METTL15: variants seen among roughly 807,000 people sequenced by gnomAD.
METTL15 encodes the protein 12S rRNA N(4)-cytidine methyltransferase METTL15.
In METTL15, 34 loss-of-function variants were observed where a neutral mutation model predicts 38.3. The ratio of observed to expected loss-of-function variants is 0.89; its 90% CI spans 0.68 to 1.18. The LOEUF is 1.18. Among genes scored for constraint, METTL15 ranks in the 50% most tolerant of loss-of-function variants. The pLI, the probability that METTL15 is intolerant of heterozygous loss-of-function variation, is 0.00. For missense variants in METTL15, 438 were observed against 498.4 expected (o/e 0.88, Z 1.15); for synonymous variants, 162 against 170.9 (o/e 0.95, Z 0.41).
At chr11:28,151,917 C>T (rs1850103108) in intron 3 of METTL15, among the ~76,000 whole-genome samples, 1 of 151,856 alleles carries the variant, frequency 6.6e-6, no homozygotes, top group African/African-American at 2.4e-5. Flanking sequence ...ATTTTTATAC[C>T]CACTGTTATT....
intron 6 of METTL15, among the ~76,000 whole-genome samples, chr11:28,452,449 A>G (rs1851131185): frequency 6.6e-6 from 1 of 152,248 alleles, no homozygotes; most frequent in South Asian, 2.1e-4. Context: ...CTTAATTTAT[A>G]TACCTAAAGT....
At chr11:28,246,094 A>G (rs1854498095) in intron 4 of METTL15, among the ~76,000 whole-genome samples, 4 of 152,158 alleles carry the variant, frequency 2.6e-5, no homozygotes, top group Admixed American at 1.3e-4. Context: ...CAAATATACA[A>G]CTATATAGAA....
chr11:28,371,949 C>A (rs887561026), intron 5 of METTL15, among the ~76,000 whole-genome samples: 31 of 152,118 alleles, frequency 2.0e-4, no homozygotes, highest in African/African-American at 7.5e-4. Flanking sequence ...GATAATTGAA[C>A]TTCCTCTTTT....
At chr11:28,441,436 T>A (rs1160539231) in intron 6 of METTL15, among the ~76,000 whole-genome samples, 1 of 152,204 alleles carries the variant, frequency 6.6e-6, no homozygotes, top group Non-Finnish European at 1.5e-5. Flanking sequence ...TTGAAGCCAC[T>A]CTGGTACTTC....
intron 3 of METTL15, among the ~76,000 whole-genome samples, chr11:28,146,865 G>A (rs543195175): frequency 7.9e-5 from 12 of 151,772 alleles, no homozygotes; most frequent in Admixed American, 7.2e-4. Context: ...TAAAAATGAC[G>A]TTTTTAAAAG....
chr11:28,175,509 T>C (rs1851039396), intron 3 of METTL15, among the ~76,000 whole-genome samples: 2 of 152,216 alleles, frequency 1.3e-5, no homozygotes, highest in African/African-American at 2.4e-5. Flanking sequence ...TCTAGATCCC[T>C]GAGGAATCGC....
chr11:28,446,253 C>T (rs1345346758), intron 6 of METTL15, among the ~76,000 whole-genome samples: 4 of 152,050 alleles, frequency 2.6e-5, no homozygotes, highest in Non-Finnish European at 5.9e-5. Context: ...CCAAGGCCAT[C>T]TGCTTGGACT....
At chr11:28,188,602 A>C (rs181023996) in intron 3 of METTL15, among the ~76,000 whole-genome samples, 2 of 151,390 alleles carry the variant, frequency 1.3e-5, no homozygotes, top group East Asian at 3.9e-4. Flanking sequence ...ATGTACTATC[A>C]TTCAAAAATT....
At chr11:28,484,907 A>G (rs893628364) in intron 6 of METTL15, among the ~76,000 whole-genome samples, 4 of 152,140 alleles carry the variant, frequency 2.6e-5, no homozygotes, top group African/African-American at 7.2e-5. Flanking sequence ...TGTTGGTCAC[A>G]TGCCTCAGCT....
At chr11:28,247,494 C>T (rs138060903) in intron 4 of METTL15, among the ~76,000 whole-genome samples, 18 of 152,130 alleles carry the variant, frequency 1.2e-4, no homozygotes, top group African/African-American at 3.9e-4. Context: ...GGCATTTATG[C>T]CTTTCACTGG....
At chr11:28,411,416 GC>G (rs975639176) in intron 5 of METTL15, among the ~76,000 whole-genome samples, 2 of 151,858 alleles carry the variant, frequency 1.3e-5, no homozygotes. Flanking sequence ...AGAATAGAAA[GC>G]CCAGAAATAA....
At chr11:28,449,879 G>A (rs1257633051) in intron 6 of METTL15, among the ~76,000 whole-genome samples, 1 of 152,146 alleles carries the variant, frequency 6.6e-6, no homozygotes, top group Non-Finnish European at 1.5e-5. Context: ...GCACAGGGAA[G>A]TGAATGAAAA....
intron 3 of METTL15, among the ~76,000 whole-genome samples, chr11:28,140,670 A>G (rs1849666940): frequency 6.6e-6 from 1 of 152,168 alleles, no homozygotes; most frequent in African/African-American, 2.4e-5. Flanking sequence ...GTGGAGTAGA[A>G]TTTATTAGGT....
At chr11:28,396,954 G>C (rs2133399930) in intron 5 of METTL15, among the ~76,000 whole-genome samples, 1 of 136,536 alleles carries the variant, frequency 7.3e-6, no homozygotes, top group African/African-American at 3.0e-5. Context: ...ACAACCATCT[G>C]ATCTTTGACA....
intron 5 of METTL15, among the ~76,000 whole-genome samples, chr11:28,416,245 G>A (rs1051306443): frequency 6.6e-6 from 1 of 152,164 alleles, no homozygotes; most frequent in African/African-American, 2.4e-5. Context: ...TATAGCCCAC[G>A]TGTTCAAGCT....
intron 3 of METTL15, among the ~76,000 whole-genome samples, chr11:28,168,557 G>T (rs528693796): frequency 6.6e-6 from 1 of 151,218 alleles, no homozygotes; most frequent in African/African-American, 2.4e-5. Context: ...ACGTTGGTGT[G>T]CTGCACCCAT....
intron 3 of METTL15, among the ~76,000 whole-genome samples, chr11:28,172,192 A>G (rs1850884998): frequency 6.6e-6 from 1 of 152,200 alleles, no homozygotes; most frequent in African/African-American, 2.4e-5. Context: ...AAACAAGACA[A>G]AATATGGCTT....
intron 6 of METTL15, among the ~76,000 whole-genome samples, chr11:28,329,399 C>CT (rs886761351): frequency 9.2e-5 from 14 of 151,862 alleles, no homozygotes; most frequent in African/African-American, 2.9e-4. Context: ...CTACTTTATT[C>CT]TTTTTTTTCT....
chr11:28,267,186 G>C (rs965481906), intron 4 of METTL15, among the ~76,000 whole-genome samples: 2 of 146,476 alleles, frequency 1.4e-5, no homozygotes, highest in Non-Finnish European at 3.0e-5. Flanking sequence ...AAAAAAAAGA[G>C]TGAAGAATGT....
Sources: allele counts gnomAD v4.1 joint callset (sites outside exome capture counted in the v4.1 genomes callset), GRCh38; gene constraint gnomAD v4.1.1; transcripts MANE v1.5; gene names NCBI Gene and HGNC (gene_info 2026-07-23, HGNC 2026-07-21).